AGAP1: variants seen among roughly 807,000 people sequenced by gnomAD.
AGAP1 encodes ArfGAP with GTPase domain, ankyrin repeat and PH domain 1, also known as arf-GAP with GTPase, ANK repeat and PH domain-containing protein 1.
AGAP1 carries 29 observed loss-of-function variants against 105.3 expected under a neutral mutation model. That is an observed-to-expected ratio of 0.28 (90% CI 0.21 to 0.38). The LOEUF is 0.38. AGAP1 is among the 10% of genes least tolerant of loss of function. The pLI, the probability that AGAP1 is intolerant of heterozygous loss-of-function variation, is 1.00. For missense variants in AGAP1, 998 were observed against 1,165.1 expected (o/e 0.86, Z 2.09); for synonymous variants, 509 against 485.9 (o/e 1.05, Z -0.63).
rs1945668255 is a variant in AGAP1 at position 235,599,781 on chromosome 2, G to A, written c.163+104932G>A. On this transcript the variant is annotated intron_variant, in intron 1 of 17. Transcript: ENST00000304032. The surrounding 1 kb of genome is among the most constrained non-coding windows in gnomAD (Gnocchi z 5.3). ...GGCTTTTCCCCTCCAGGTTCAGAGA[G>A]AGCGCCTGCCCCAGGGCTGGGAAGA... 6.6e-6 allele frequency among the ~76,000 whole-genome samples: 1 copy of A among 152,202 alleles called. No individual in the cohort carries two copies.
At position 235,625,935 on chromosome 2, in the gene AGAP1, G is replaced by A. The variant is rs1039884996; in HGVS notation, c.164-83244G>A. Reference sequence around the variant, plus strand: ...AATTCCACACAGAGAAAGGTGTTTCGGGGAAGTAGAATATTAGCAGAGCTA... The same window carrying A: ...AATTCCACACAGAGAAAGGTGTTTCAGGGAAGTAGAATATTAGCAGAGCTA... On this transcript the variant is annotated intron_variant, in intron 1 of 17. Coordinates refer to ENST00000304032, the MANE Select transcript of AGAP1 (RefSeq NM_001037131.3). The surrounding 1 kb of genome is among the most constrained non-coding windows in gnomAD (Gnocchi z 4.0). Among the ~76,000 whole-genome samples, 2 of 152,156 alleles carry A rather than the reference G, an allele frequency of 1.3e-5. No homozygotes were observed. The highest frequency in any genetic ancestry group is 4.8e-5 in the African/African-American group (2 of 41,428).
Position 236,045,028 on chromosome 2 carries a change from C to T in AGAP1, c.1892-4031C>T, listed in dbSNP as rs1195658463. ...CTCTTAGGCTCCAGCAATCCTCCCACCTCAGACTCCTGAGCAGCTGTGACT... is the reference window on the plus strand; with the variant it reads ...CTCTTAGGCTCCAGCAATCCTCCCATCTCAGACTCCTGAGCAGCTGTGACT... On this transcript the variant is annotated intron_variant, in intron 15 of 17. Coordinates refer to ENST00000304032, the MANE Select transcript of AGAP1 (RefSeq NM_001037131.3). This position sits in a 1 kb window ranked among gnomAD's most constrained non-coding sequence, Gnocchi z 6.9. Among the ~76,000 whole-genome samples, 2 of 152,164 alleles carry T rather than the reference C, an allele frequency of 1.3e-5. No homozygotes were observed. Among genetic ancestry groups the T allele is most frequent in the Non-Finnish European group, 2.9e-5 (2 of 68,034 alleles).
chr2:235,589,228 G>A (rs1168486449), intron 1 of AGAP1, among the ~76,000 whole-genome samples: 19 of 81,502 alleles, frequency 2.3e-4, no homozygotes, highest in Middle Eastern at 9.4e-3. Context: ...TTTTTGAGAC[G>A]GAGTTTCGTT....
At chr2:236,065,465 A>G (rs548834346) in intron 16 of AGAP1, among the ~76,000 whole-genome samples, 37 of 152,346 alleles carry the variant, frequency 2.4e-4, no homozygotes, top group African/African-American at 8.2e-4. Context: ...TTCTGTTCGC[A>G]GGCAGCCTAG....
chr2:235,773,629 G>C (rs1277730808), intron 6 of AGAP1, among the ~76,000 whole-genome samples: 1 of 152,188 alleles, frequency 6.6e-6, no homozygotes, highest in Non-Finnish European at 1.5e-5. Flanking sequence ...CCCATACTCT[G>C]TTCTACTACC....
rs1367356780 is a variant in AGAP1 at position 235,750,427 on chromosome 2, G to A, written c.612G>A (p.Arg204=). 1 of 1,614,066 alleles carries A rather than the reference G, an allele frequency of 6.2e-7. No homozygotes were observed. Among genetic ancestry groups the A allele is most frequent in the Non-Finnish European group, 8.5e-7 (1 of 1,180,046 alleles). The change falls in exon 6 of 18, where the codon CGG becomes CGA. Residue 204 remains arginine, a synonymous_variant. Transcript: ENST00000304032. This position sits in a 1 kb window ranked among gnomAD's most constrained non-coding sequence, Gnocchi z 5.3. ...RARKLSNDLK[R]CTYYETCATY... ...GGAAGCTCTCCAACGACCTGAAACG[G>A]TGCACGTACTACGAGACGTGTGCTA...
Position 236,082,440 on chromosome 2 carries a change from C to T in AGAP1, c.2114+33159C>T, listed in dbSNP as rs552573322. ...CACCCACCAGGTCCTGCTACGGGGCCGCTGCCCATTTGATCTCTCAGGGAG... is the reference window on the plus strand; with the variant it reads ...CACCCACCAGGTCCTGCTACGGGGCTGCTGCCCATTTGATCTCTCAGGGAG... On this transcript the variant is annotated intron_variant, in intron 16 of 17. Coordinates refer to ENST00000304032, the MANE Select transcript of AGAP1 (RefSeq NM_001037131.3). The surrounding 1 kb of genome is among the most constrained non-coding windows in gnomAD (Gnocchi z 4.2). Among the ~76,000 whole-genome samples the T allele has an allele frequency of 3.5e-4, 54 of 152,206 alleles. 1 individual carries two copies. Among genetic ancestry groups the T allele is most frequent in the Non-Finnish European group, 6.8e-4 (46 of 68,034 alleles).
intron 13 of AGAP1, among the ~76,000 whole-genome samples, chr2:236,033,740 G>A (rs2057296091): frequency 1.3e-5 from 2 of 152,200 alleles, no homozygotes; most frequent in East Asian, 3.9e-4. Context: ...ACCGAGCCCT[G>A]CACCCATACA....
chr2:236,084,314 A>G (rs998492827), intron 16 of AGAP1, among the ~76,000 whole-genome samples: 2 of 152,132 alleles, frequency 1.3e-5, no homozygotes, highest in Non-Finnish European at 2.9e-5. Flanking sequence ...TTAACATTTA[A>G]ATGCACAGTA....
At chr2:236,116,045 C>T (rs1415541105) in intron 16 of AGAP1, among the ~76,000 whole-genome samples, 1 of 151,868 alleles carries the variant, frequency 6.6e-6, no homozygotes, top group Non-Finnish European at 1.5e-5. Flanking sequence ...CCTCAGGTGG[C>T]CCGCCCAGCC....
chr2:235,779,170 A>G (rs908034072), intron 6 of AGAP1, among the ~76,000 whole-genome samples: 4 of 152,316 alleles, frequency 2.6e-5, no homozygotes, highest in South Asian at 2.1e-4. Flanking sequence ...AGGAAGCCTC[A>G]GTAACTTGAT....
At chr2:235,667,865 A>C (rs543776727) in intron 1 of AGAP1, among the ~76,000 whole-genome samples, 10 of 150,476 alleles carry the variant, frequency 6.6e-5, no homozygotes, top group Admixed American at 2.0e-4. Flanking sequence ...AGGCTGAGAC[A>C]GGAGAATCAC....
chr2:235,700,535 C>T lies in AGAP1; in HGVS notation c.164-8644C>T, dbSNP rs1950197677. 6.6e-6 allele frequency among the ~76,000 whole-genome samples: 1 copy of T among 152,084 alleles called. No homozygotes were observed. Among genetic ancestry groups the T allele is most frequent in the Non-Finnish European group, 1.5e-5 (1 of 68,026 alleles). On this transcript the variant is annotated intron_variant, in intron 1 of 17. Transcript: ENST00000304032. The surrounding 1 kb of genome is among the most constrained non-coding windows in gnomAD (Gnocchi z 6.1). ...AAAATGAGGGCCGGGTGTGTTGGCTCACACTTGTAATCCCAGCACTTTGGG... is the reference window on the plus strand; with the variant it reads ...AAAATGAGGGCCGGGTGTGTTGGCTTACACTTGTAATCCCAGCACTTTGGG...
chr2:235,658,418 C>T (rs143040321), intron 1 of AGAP1, among the ~76,000 whole-genome samples: 5 of 152,112 alleles, frequency 3.3e-5, no homozygotes, highest in African/African-American at 7.2e-5. Context: ...ATGCTTCGGA[C>T]GGGAAGAATT....
rs138458059 is a variant in AGAP1 at position 235,744,715 on chromosome 2, C to T, written c.414C>T (p.Asp138=). The T allele has an allele frequency of 2.0e-5, 32 of 1,613,788 alleles. No individual in the cohort carries two copies. Among genetic ancestry groups the T allele is most frequent in the East Asian group, 4.5e-5 (2 of 44,834 alleles). The change falls in exon 5 of 18, where the codon GAC becomes GAT. Residue 138 remains aspartate, a synonymous_variant. Coordinates refer to ENST00000304032, the MANE Select transcript of AGAP1 (RefSeq NM_001037131.3). This position sits in a 1 kb window ranked among gnomAD's most constrained non-coding sequence, Gnocchi z 5.2. ...PPEAQFAMWV[D]AVIFVFSLED... ...CTCCCTAGTTTGCCATGTGGGTGGA[C>T]GCTGTTATATTTGTCTTCAGCTTGG...
chr2:235,998,585 T>C (rs2055915559), intron 13 of AGAP1, among the ~76,000 whole-genome samples: 2 of 148,246 alleles, frequency 1.3e-5, no homozygotes, highest in Non-Finnish European at 3.1e-5. Context: ...TAAATATAAG[T>C]CTATGGTAAG....
At chr2:236,098,988 G>A (rs911343879) in intron 16 of AGAP1, among the ~76,000 whole-genome samples, 2 of 151,940 alleles carry the variant, frequency 1.3e-5, no homozygotes, top group African/African-American at 4.8e-5. Context: ...TCCTAGAGAT[G>A]TAAGGACTAG....
rs114775260 is a variant in AGAP1 at position 235,811,909 on chromosome 2, G to C, written c.1050+4578G>C. ...CTGGCTGATGTTTTGAGAGAACCAG[G>C]TCTCTGCTTGCCTTGAAGAAAGGTA... On this transcript the variant is annotated intron_variant, in intron 9 of 17. Coordinates refer to ENST00000304032, the MANE Select transcript of AGAP1 (RefSeq NM_001037131.3). Among the ~76,000 whole-genome samples the C allele has an allele frequency of 7.6e-3, 1,152 of 152,336 alleles. 6 individuals carry two copies. Among genetic ancestry groups the C allele is most frequent in the African/African-American group, 0.026 (1,082 of 41,582 alleles).
intron 13 of AGAP1, among the ~76,000 whole-genome samples, chr2:235,996,260 A>G (rs899065621): frequency 3.9e-5 from 6 of 152,210 alleles, no homozygotes; most frequent in African/African-American, 1.4e-4. Context: ...CCCGCTTGAC[A>G]CCTGCACCCA....
Sources: gnomAD v4.1 joint callset for allele counts (sites outside exome capture counted in the v4.1 genomes callset) on GRCh38, gnomAD v4.1.1 for gene constraint, Gnocchi (gnomAD v3.1) non-coding constraint, MANE v1.5 for transcripts, NCBI Gene and HGNC (gene_info 2026-07-23, HGNC 2026-07-21) for gene names.